GTF2F2: variants seen among roughly 807,000 people sequenced by gnomAD.
GTF2F2 encodes general transcription factor IIF subunit 2.
Under a neutral mutation model 42.2 loss-of-function variants are expected in GTF2F2, and 23 were observed. That is an observed-to-expected ratio of 0.55 (90% CI 0.39 to 0.77). GTF2F2 has a LOEUF of 0.77. GTF2F2 is among the 30% of genes least tolerant of loss of function. GTF2F2 has a pLI of 0.00. For synonymous variants in GTF2F2, 105 were observed against 100.8 expected (o/e 1.04, Z -0.25); for missense variants, 261 against 287.2 (o/e 0.91, Z 0.66).
intron 1 of GTF2F2, among the ~76,000 whole-genome samples, chr13:45,133,398 A>G (rs550773524): frequency 5.9e-5 from 9 of 152,304 alleles, no homozygotes; most frequent in African/African-American, 2.2e-4. Flanking sequence ...AGACCCAGGG[A>G]AAGTCTTGAT....
At chr13:45,206,655 A>G (rs1045691031) in intron 4 of GTF2F2, 2 of 152,224 alleles carry the variant, frequency 1.3e-5, no homozygotes, top group African/African-American at 2.4e-5. Flanking sequence ...ACAATAAGGT[A>G]AGGTCTGTCA....
rs565721748 is a variant in GTF2F2 at position 45,182,215 on chromosome 13, A to G, written c.305-25209A>G. ...GCCCAGGCTGGAGTACAGTGGTGCAATCTCGGCTTACTGCAGCCTCTGCCT... is the reference window on the plus strand; with the variant it reads ...GCCCAGGCTGGAGTACAGTGGTGCAGTCTCGGCTTACTGCAGCCTCTGCCT... On this transcript the variant is annotated intron_variant, in intron 4 of 7. Transcript: ENST00000340473. 7.2e-5 allele frequency among the ~76,000 whole-genome samples: 11 copies of G among 152,102 alleles called. No homozygotes were observed. The East Asian group carries it at 7.7e-4, about 11-fold the overall frequency.
chr13:45,282,872 C>A (rs1877318838), intron 7 of GTF2F2, among the ~76,000 whole-genome samples: 1 of 152,168 alleles, frequency 6.6e-6, no homozygotes, highest in African/African-American at 2.4e-5. Flanking sequence ...GTAGTAAATA[C>A]AAATAACAAC....
chr13:45,204,073 T>C (rs1182660005), intron 4 of GTF2F2, among the ~76,000 whole-genome samples: 1 of 152,192 alleles, frequency 6.6e-6, no homozygotes, highest in Admixed American at 6.5e-5. Flanking sequence ...ATATCAGCAG[T>C]TAAAACTTAT....
chr13:45,145,820 G>C (rs994240068), intron 2 of GTF2F2, among the ~76,000 whole-genome samples: 2 of 152,024 alleles, frequency 1.3e-5, no homozygotes, highest in Non-Finnish European at 2.9e-5. Context: ...CACTTTTGCT[G>C]TCCTCCACTG....
chr13:45,188,622 AC>A (rs935997260), intron 4 of GTF2F2, among the ~76,000 whole-genome samples: 1 of 152,214 alleles, frequency 6.6e-6, no homozygotes, highest in African/African-American at 2.4e-5. Context: ...TCAAATAGTT[AC>A]TATTATCCTT....
chr13:45,264,979 G>A (rs1261698461), intron 6 of GTF2F2, among the ~76,000 whole-genome samples: 2 of 152,120 alleles, frequency 1.3e-5, no homozygotes, highest in Non-Finnish European at 2.9e-5. Flanking sequence ...TTGAGACTGA[G>A]GCCAGGCGTG....
intron 4 of GTF2F2, among the ~76,000 whole-genome samples, chr13:45,152,610 A>G (rs1239837120): frequency 6.6e-6 from 1 of 152,216 alleles, no homozygotes; most frequent in African/African-American, 2.4e-5. Flanking sequence ...TTTATTGCAT[A>G]GAGATAACTT....
chr13:45,165,331 A>ATTT (rs1555265772), intron 4 of GTF2F2, among the ~76,000 whole-genome samples: 32 of 136,912 alleles, frequency 2.3e-4, no homozygotes, highest in Admixed American at 5.8e-4. Flanking sequence ...ATATATATAT[A>ATTT]TTTTTTTTTT....
chr13:45,152,381 G>T (rs1011733232), intron 4 of GTF2F2, among the ~76,000 whole-genome samples: 7 of 152,200 alleles, frequency 4.6e-5, no homozygotes, highest in African/African-American at 1.7e-4. Flanking sequence ...ATATGAAGAT[G>T]TAGAACAAAG....
At chr13:45,258,948 G>C (rs139514379) in intron 6 of GTF2F2, among the ~76,000 whole-genome samples, 23 of 152,246 alleles carry the variant, frequency 1.5e-4, no homozygotes, top group African/African-American at 4.8e-4. Context: ...GTGTGTTCTG[G>C]TTGACTTTGT....
intron 4 of GTF2F2, among the ~76,000 whole-genome samples, chr13:45,190,049 A>G (rs1191971629): frequency 2.6e-5 from 4 of 152,324 alleles, no homozygotes; most frequent in East Asian, 1.9e-4. Flanking sequence ...AGAAACTGTC[A>G]TCAGAGTGAA....
intron 5 of GTF2F2, among the ~76,000 whole-genome samples, chr13:45,210,302 C>T (rs1432622069): frequency 6.6e-6 from 1 of 152,190 alleles, no homozygotes; most frequent in Non-Finnish European, 1.5e-5. Flanking sequence ...TGTCTCCTAA[C>T]AATCCATGAG....
At chr13:45,264,764 A>G (rs894361501) in intron 6 of GTF2F2, among the ~76,000 whole-genome samples, 1 of 152,154 alleles carries the variant, frequency 6.6e-6, no homozygotes. Flanking sequence ...GGACAACTTG[A>G]TAACAACACT....
chr13:45,243,837 T>C (rs953197977), intron 5 of GTF2F2, among the ~76,000 whole-genome samples: 4 of 152,192 alleles, frequency 2.6e-5, no homozygotes, highest in South Asian at 2.1e-4. Context: ...ATTTTTGTAT[T>C]TTTAGTAGAC....
At chr13:45,240,479 G>C (rs1010026803) in intron 5 of GTF2F2, among the ~76,000 whole-genome samples, 44 of 152,196 alleles carry the variant, frequency 2.9e-4, no homozygotes, top group Admixed American at 1.1e-3. Context: ...TGGGAGAATT[G>C]CTCATTTTAA....
intron 6 of GTF2F2, chr13:45,263,541 T>G (rs1030447252): frequency 1.3e-5 from 2 of 152,130 alleles, no homozygotes; most frequent in African/African-American, 4.8e-5. Flanking sequence ...AGACAACATT[T>G]TTAAGAGTTT....
intron 1 of GTF2F2, among the ~76,000 whole-genome samples, chr13:45,132,878 G>C (rs1017935143): frequency 6.6e-6 from 1 of 151,980 alleles, no homozygotes; most frequent in African/African-American, 2.4e-5. Context: ...GAATAATCAG[G>C]AGTGAGGGAC....
At chr13:45,258,606 A>G (rs555390617) in intron 6 of GTF2F2, among the ~76,000 whole-genome samples, 2 of 152,374 alleles carry the variant, frequency 1.3e-5, no homozygotes, top group East Asian at 1.9e-4. Context: ...ATACAAAGCT[A>G]TCACGGTGTT....
Sources: gnomAD v4.1 joint callset for allele counts (sites outside exome capture counted in the v4.1 genomes callset) on GRCh38, gnomAD v4.1.1 for gene constraint, MANE v1.5 for transcripts, NCBI Gene and HGNC (gene_info 2026-07-23, HGNC 2026-07-21) for gene names.